TC2N: variants seen among roughly 807,000 people sequenced by gnomAD.
TC2N encodes tandem C2 domains, nuclear.
A neutral mutation model predicts 61.9 loss-of-function variants in TC2N; 51 were observed. The ratio of observed to expected loss-of-function variants is 0.82; its 90% CI spans 0.66 to 1.04. The LOEUF (loss-of-function observed/expected upper bound fraction) is 1.04. TC2N is among the 50% of genes least tolerant of loss of function. TC2N has a pLI of 0.00. For missense variants in TC2N, 556 were observed against 566.7 expected, an observed-to-expected ratio of 0.98 and a Z score of 0.19; for synonymous variants, 204 against 192.6, an observed-to-expected ratio of 1.06 and a Z score of -0.49.
chr14:91,863,711 C>A (rs10129512), intron 1 of TC2N, among the ~76,000 whole-genome samples: 26,800 of 150,894 alleles, frequency 0.18, 2,412 homozygotes, highest in African/African-American at 0.21. Context: ...GGAGGCTGGG[C>A]ATGGTGGATC....
Position 91,797,378 on chromosome 14 carries a change from C to T in TC2N, c.855+407G>A, listed in dbSNP as rs547653327. On this transcript the variant is annotated intron_variant, in intron 8 of 11. Coordinates refer to ENST00000435962, the MANE Select transcript of TC2N (RefSeq NM_001128596.3). ...AAATTAATGTAAAATCTAGGATCTA[C>T]AAAACCAAACTCAGGATCATAAGTC... Among the ~76,000 whole-genome samples the T allele has an allele frequency of 7.9e-5, 12 of 151,970 alleles. No homozygotes were observed. The South Asian group carries it at 2.5e-3, about 32-fold the overall frequency.
At chr14:91,822,523 G>C (rs1396652208) in intron 1 of TC2N, among the ~76,000 whole-genome samples, 1 of 151,968 alleles carries the variant, frequency 6.6e-6, no homozygotes, top group Non-Finnish European at 1.5e-5. Context: ...CTGATTTGTA[G>C]CTGAACTCCA....
intron 1 of TC2N, among the ~76,000 whole-genome samples, chr14:91,849,257 T>C (rs1888326987): frequency 6.6e-6 from 1 of 152,152 alleles, no homozygotes; most frequent in Non-Finnish European, 1.5e-5. Flanking sequence ...CATGAGATGG[T>C]ATCTAACCCA....
chr14:91,800,612 T>A (rs1886184795), intron 4 of TC2N, among the ~76,000 whole-genome samples: 1 of 152,082 alleles, frequency 6.6e-6, no homozygotes, highest in Admixed American at 6.5e-5. Flanking sequence ...ACATCAATTA[T>A]CAAACAGGGA....
intron 1 of TC2N, among the ~76,000 whole-genome samples, chr14:91,842,533 A>G (rs144734525): frequency 4.4e-3 from 676 of 152,316 alleles, no homozygotes; most frequent in Non-Finnish European, 7.7e-3. Context: ...GGTCAGGCTC[A>G]CCAGAAGTAG....
chr14:91,787,639 A>G lies in TC2N; in HGVS notation c.1048-12T>C. The G allele has an allele frequency of 1.3e-6, 2 of 1,497,806 alleles. No homozygotes were observed. The highest frequency in any genetic ancestry group is 1.4e-5 in the African/African-American group (1 of 72,058). 92.8% of individuals were successfully genotyped at this position (1,497,806 alleles called of 1,614,324 possible). A position where few individuals can be genotyped will look rare whatever the true frequency, so the allele number is the denominator to read the frequency against. ...TCTGCATGGCAAACCTGCATATCAA[A>G]AAAGTGTCATTTGGTAGTTAAGAAT... On this transcript the variant is annotated splice_polypyrimidine_tract_variant and intron_variant, in intron 9 of 11. Transcript: ENST00000435962.
At chr14:91,808,304 T>G (rs1162325098) in intron 3 of TC2N, among the ~76,000 whole-genome samples, 1 of 152,212 alleles carries the variant, frequency 6.6e-6, no homozygotes. Flanking sequence ...AGAAATATGG[T>G]ATCCATATAG....
intron 1 of TC2N, among the ~76,000 whole-genome samples, chr14:91,820,885 C>T (rs934292482): frequency 6.6e-6 from 1 of 151,816 alleles, no homozygotes; most frequent in Non-Finnish European, 1.5e-5. Context: ...AATACAAATA[C>T]TTTAAGAAAT....
chr14:91,819,929 T>G (rs1213110857), intron 1 of TC2N, among the ~76,000 whole-genome samples: 1 of 151,448 alleles, frequency 6.6e-6, no homozygotes, highest in Admixed American at 6.6e-5. Flanking sequence ...ACAAAGGAGA[T>G]AAAATGGAAT....
intron 3 of TC2N, among the ~76,000 whole-genome samples, chr14:91,804,234 C>T (rs1389234902): frequency 6.6e-6 from 1 of 152,152 alleles, no homozygotes; most frequent in Admixed American, 6.5e-5. Context: ...TCATACTCTG[C>T]TAGTGGAAAT....
intron 8 of TC2N, among the ~76,000 whole-genome samples, chr14:91,796,623 T>A (rs1287948442): frequency 6.6e-6 from 1 of 151,996 alleles, no homozygotes; most frequent in East Asian, 1.9e-4. Context: ...AGAACACAGG[T>A]ATAATGCCAT....
In TC2N at chr14:91,837,216, A is replaced by C. The variant is rs899149505; in HGVS notation, c.-56-23391T>G. On this transcript the variant is annotated intron_variant, in intron 1 of 11. Coordinates refer to ENST00000435962, the MANE Select transcript of TC2N (RefSeq NM_001128596.3). The surrounding 1 kb of genome is among the most constrained non-coding windows in gnomAD (Gnocchi z 4.2). ...TAGACTGTCTGATGAAGAATGGCTT[A>C]GCATTTTTTGTTTGTTTTGTTTTGA... is the stretch of plus-strand genomic sequence containing the variant. Among the ~76,000 whole-genome samples, 3 of 152,152 alleles carry C rather than the reference A, an allele frequency of 2.0e-5. No homozygotes were observed. Among genetic ancestry groups the C allele is most frequent in the Non-Finnish European group, 2.9e-5 (2 of 68,034 alleles).
Position 91,780,695 on chromosome 14 carries a change from G to A in TC2N, c.*2405C>T, listed in dbSNP as rs1454447301. Reference sequence around the variant, plus strand: ...GATTTCCTTCTCCTTGCGTAAGTGGGTAAAGGTCAAGAAATGCCTAGGCAA... The same window carrying A: ...GATTTCCTTCTCCTTGCGTAAGTGGATAAAGGTCAAGAAATGCCTAGGCAA... On this transcript the variant is annotated 3_prime_UTR_variant, in exon 12 of 12. Transcript: ENST00000435962. 1 of 152,154 alleles carries A rather than the reference G, an allele frequency of 6.6e-6. No individual in the cohort carries two copies. Among genetic ancestry groups the A allele is most frequent in the Non-Finnish European group, 1.5e-5 (1 of 68,018 alleles). 9.4% of individuals were successfully genotyped at this position (152,154 alleles called of 1,614,324 possible).
At chr14:91,862,802 G>A (rs1354068962) in intron 1 of TC2N, among the ~76,000 whole-genome samples, 1 of 152,136 alleles carries the variant, frequency 6.6e-6, no homozygotes, top group Non-Finnish European at 1.5e-5. Flanking sequence ...CAGCTTTTAT[G>A]GTGAAAAATG....
chr14:91,804,467 G>C (rs1886411368), intron 3 of TC2N, among the ~76,000 whole-genome samples: 1 of 152,012 alleles, frequency 6.6e-6, no homozygotes, highest in Non-Finnish European at 1.5e-5. Flanking sequence ...AATAGATATA[G>C]TATATACTTA....
chr14:91,792,353 C>A lies in TC2N; in HGVS notation c.1047+14G>T. On this transcript the variant is annotated intron_variant, in intron 9 of 11. Transcript: ENST00000435962. ...AAAAGTATGAAATACTCTTAACATA[C>A]TATTATCGCTTACAGAAATTTTTGA... 6.4e-7 allele frequency: 1 copy of A among 1,557,356 alleles called. No individual in the cohort carries two copies. Among genetic ancestry groups the A allele is most frequent in the South Asian group, 1.2e-5 (1 of 82,182 alleles).
At chr14:91,859,634 C>T (rs562927536) in intron 1 of TC2N, among the ~76,000 whole-genome samples, 1 of 152,318 alleles carries the variant, frequency 6.6e-6, no homozygotes, top group African/African-American at 2.4e-5. Flanking sequence ...GTGGAAACTA[C>T]ACCACAGGGG....
intron 1 of TC2N, among the ~76,000 whole-genome samples, chr14:91,864,026 G>A (rs1464631192): frequency 6.6e-6 from 1 of 151,910 alleles, no homozygotes; most frequent in African/African-American, 2.4e-5. Flanking sequence ...AAGAACAGAG[G>A]TCAGAATTCA....
chr14:91,853,845 G>T (rs973984022), intron 1 of TC2N, among the ~76,000 whole-genome samples: 1 of 151,734 alleles, frequency 6.6e-6, no homozygotes, highest in Non-Finnish European at 1.5e-5. Context: ...TGAAGCAAAC[G>T]TGTTAAACAT....
Sources: allele counts gnomAD v4.1 joint callset (sites outside exome capture counted in the v4.1 genomes callset), GRCh38; gene constraint gnomAD v4.1.1; non-coding constraint Gnocchi (gnomAD v3.1); transcripts MANE v1.5; gene names NCBI Gene and HGNC (gene_info 2026-07-23, HGNC 2026-07-21).